The following DGKI variants were observed in gnomAD, a reference collection of about 807,000 sequenced individuals.
The protein encoded by DGKI is DAG kinase iota.
In DGKI, 55 loss-of-function variants were observed where a neutral mutation model predicts 147.5. The ratio of observed to expected loss-of-function variants is 0.37; its 90% CI spans 0.30 to 0.47. The LOEUF (loss-of-function observed/expected upper bound fraction) is 0.47, where lower values mean the gene tolerates loss of function less well. Among genes scored for constraint, DGKI ranks in the 20% least tolerant of loss-of-function variants. The pLI, the probability that DGKI is intolerant of heterozygous loss-of-function variation, is 1.00. For missense variants in DGKI, 1,007 were observed against 1,323.8 expected (o/e 0.76, Z 3.71); for synonymous variants, 469 against 477.1 (o/e 0.98, Z 0.22).
intron 1 of DGKI, among the ~76,000 whole-genome samples, chr7:137,813,376 A>G (rs934787210): frequency 2.0e-5 from 3 of 152,160 alleles, no homozygotes; most frequent in Admixed American, 6.5e-5. Flanking sequence ...GATGAACCCA[A>G]TGTTCATATT....
chr7:137,424,927 TGCCTGCCTCTGTAG>T (rs1812729496), intron 28 of DGKI, among the ~76,000 whole-genome samples: 1 of 152,236 alleles, frequency 6.6e-6, no homozygotes, highest in Non-Finnish European at 1.5e-5. Context: ...CAAGGAGGCC[TGCCTGCCTCTGTAG>T]GCTCCACCTC....
chr7:137,752,354 GA>G (rs992281962), intron 1 of DGKI, among the ~76,000 whole-genome samples: 2 of 152,160 alleles, frequency 1.3e-5, no homozygotes, highest in African/African-American at 4.8e-5. Flanking sequence ...GAGGGAAAAG[GA>G]AGGCCTCATA....
intron 21 of DGKI, 97 bp from the exon 22 acceptor site, chr7:137,487,786 A>C: frequency 9.1e-7 from 1 of 1,097,020 alleles, no homozygotes; most frequent in Non-Finnish European, 1.4e-6. Flanking sequence ...AATCTCATAA[A>C]TATTATGGGT....
rs184550941 is a variant in DGKI, at chr7:137,732,233, C to T, written c.402-42231G>A. ...TTGTATGCCTTTCATACCACGGAGG[C>T]TTATAGGTAGGTATTCAATGAAAAT... On this transcript the variant is annotated intron_variant, in intron 1 of 32. Coordinates refer to ENST00000614521, the MANE Select transcript of DGKI (RefSeq NM_001321708.2). 4.9e-4 allele frequency among the ~76,000 whole-genome samples: 75 copies of T among 152,054 alleles called. 2 individuals carry two copies. The highest frequency in any genetic ancestry group is 4.9e-3 in the Admixed American group (75 of 15,266).
chr7:137,596,000 TC>T (rs1190844004), intron 12 of DGKI, among the ~76,000 whole-genome samples: 1 of 13,102 alleles, frequency 7.6e-5, no homozygotes, highest in African/African-American at 2.9e-4. Flanking sequence ...AGACTCCGTC[TC>T]AAAAAAAAAA....
At chr7:137,643,565 C>A (rs374945371) in intron 6 of DGKI, among the ~76,000 whole-genome samples, 2 of 152,218 alleles carry the variant, frequency 1.3e-5, no homozygotes, top group African/African-American at 4.8e-5. Flanking sequence ...CAAGAGATGA[C>A]TATAATAGTG....
intron 1 of DGKI, among the ~76,000 whole-genome samples, chr7:137,826,801 T>A (rs778237946): frequency 6.6e-5 from 10 of 152,184 alleles, no homozygotes; most frequent in Non-Finnish European, 1.2e-4. Context: ...TTCCAGAATT[T>A]TCTGTGTATT....
chr7:137,433,122 C>G (rs1813143872), intron 28 of DGKI, among the ~76,000 whole-genome samples: 1 of 152,152 alleles, frequency 6.6e-6, no homozygotes, highest in African/African-American at 2.4e-5. Context: ...ACTTAATTAG[C>G]TTGTAAGATG....
At chr7:137,599,392 C>T (rs6966683) in intron 11 of DGKI, among the ~76,000 whole-genome samples, 9,883 of 151,844 alleles carry the variant, frequency 0.065, 460 homozygotes, top group African/African-American at 0.13. Context: ...CACAAGCGCG[C>T]GCACACACAC....
rs1811185260 is a variant in DGKI at position 137,386,662 on chromosome 7, A to T, written c.*4558T>A. 1 of 152,090 alleles carries T rather than the reference A, an allele frequency of 6.6e-6. No homozygotes were observed. The highest frequency in any genetic ancestry group is 2.4e-5 in the African/African-American group (1 of 41,430). 9.4% of individuals were successfully genotyped at this position (152,090 alleles called of 1,614,324 possible). A position where few individuals can be genotyped will look rare whatever the true frequency, so the allele number is the denominator to read the frequency against. On this transcript the variant is annotated 3_prime_UTR_variant, in exon 33 of 33. Coordinates refer to ENST00000614521, the MANE Select transcript of DGKI (RefSeq NM_001321708.2). ...GGACTGCCGCTATGGCCCAAAACTT[A>T]GAGAGACAAGAGATAATGGATGACT...
rs1473961867 is a variant in DGKI, at chr7:137,650,471, G to T, written c.738+4261C>A. Reference sequence around the variant, plus strand: ...AAGGAAGACCTCTGCAAAGGACTGGGGTTTGTGTCCCCTCAAAATTTTTAT... The same window carrying T: ...AAGGAAGACCTCTGCAAAGGACTGGTGTTTGTGTCCCCTCAAAATTTTTAT... On this transcript the variant is annotated intron_variant, in intron 5 of 32. Transcript: ENST00000614521. Among the ~76,000 whole-genome samples, 3 of 152,164 alleles carry T rather than the reference G, an allele frequency of 2.0e-5. No homozygotes were observed. The South Asian group carries it at 6.2e-4, about 31-fold the overall frequency.
chr7:137,558,286 TTA>T (rs1818294552), intron 19 of DGKI, among the ~76,000 whole-genome samples: 1 of 152,170 alleles, frequency 6.6e-6, no homozygotes, highest in African/African-American at 2.4e-5. Flanking sequence ...TTTTATTTAT[TTA>T]TTTATGTTTG....
At chr7:137,453,640 C>T (rs145268718) in intron 27 of DGKI, among the ~76,000 whole-genome samples, 1 of 152,100 alleles carries the variant, frequency 6.6e-6, no homozygotes, top group African/African-American at 2.4e-5. Context: ...TGGTCACAAA[C>T]CCATTCAGGG....
intron 2 of DGKI, among the ~76,000 whole-genome samples, chr7:137,681,935 A>G (rs961845216): frequency 1.3e-5 from 2 of 152,130 alleles, no homozygotes; most frequent in South Asian, 4.1e-4. Flanking sequence ...TACAGGACCA[A>G]CCCCCACTTA....
At chr7:137,812,528 G>T (rs1797622225) in intron 1 of DGKI, among the ~76,000 whole-genome samples, 1 of 152,276 alleles carries the variant, frequency 6.6e-6, no homozygotes, top group East Asian at 1.9e-4. Context: ...CCTTTCAGGC[G>T]CAATTTTGAG....
chr7:137,413,023 A>T (rs528023502), intron 28 of DGKI, among the ~76,000 whole-genome samples: 9 of 152,278 alleles, frequency 5.9e-5, no homozygotes, highest in Non-Finnish European at 1.0e-4. Flanking sequence ...TAATCCCAGT[A>T]CTTTGGGAAG....
At chr7:137,772,748 G>T (rs933047773) in intron 1 of DGKI, among the ~76,000 whole-genome samples, 1 of 152,198 alleles carries the variant, frequency 6.6e-6, no homozygotes, top group Non-Finnish European at 1.5e-5. Context: ...GTTATTCCAA[G>T]TTGTTGTATT....
intron 19 of DGKI, among the ~76,000 whole-genome samples, chr7:137,564,703 A>G (rs987063886): frequency 3.9e-5 from 6 of 152,226 alleles, no homozygotes; most frequent in African/African-American, 1.2e-4. Flanking sequence ...ACTTCCTTCC[A>G]GGGATGGAAG....
rs1168139908 is a variant in DGKI, at chr7:137,585,219, C to CCAT, written c.1550_1552dup (p.Asp517dup). ...AAAAAACTCTCTAACCTTACATACG[C>CCAT]CATCTTCAAGTTCTTCTGGAGGCAA... On this transcript the variant is annotated inframe_insertion, in exon 14 of 33. Transcript: ENST00000614521. The CCAT allele has an allele frequency of 6.2e-7, 1 of 1,613,990 alleles. No individual in the cohort carries two copies. Among genetic ancestry groups the CCAT allele is most frequent in the East Asian group, 2.2e-5 (1 of 44,896 alleles).
Sources: allele counts gnomAD v4.1 joint callset (sites outside exome capture counted in the v4.1 genomes callset), GRCh38; gene constraint gnomAD v4.1.1; transcripts MANE v1.5; gene names NCBI Gene and HGNC (gene_info 2026-07-23, HGNC 2026-07-21).